RAB7A: variants seen among roughly 807,000 people sequenced by gnomAD.
RAB7A encodes the protein RAB7A, member RAS oncogene family.
RAB7A carries 2 observed loss-of-function variants against 24.5 expected under a neutral mutation model. That is an observed-to-expected ratio of 0.08 (90% CI 0.03 to 0.26). RAB7A has a LOEUF of 0.26. RAB7A is among the 10% of genes least tolerant of loss of function. The pLI, the probability that RAB7A is intolerant of heterozygous loss-of-function variation, is 1.00. For synonymous variants in RAB7A, 100 were observed against 95.9 expected, an observed-to-expected ratio of 1.04 and a Z score of -0.25; for missense variants, 118 against 255.7, an observed-to-expected ratio of 0.46 and a Z score of 3.67.
intron 1 of RAB7A, among the ~76,000 whole-genome samples, chr3:128,757,090 T>C (rs905729082): frequency 6.6e-6 from 1 of 151,996 alleles, no homozygotes; most frequent in African/African-American, 2.4e-5. Flanking sequence ...GGTGATCCAC[T>C]CACCTCCACC....
At chr3:128,727,510 A>G (rs1315541172) in intron 1 of RAB7A, among the ~76,000 whole-genome samples, 1 of 152,222 alleles carries the variant, frequency 6.6e-6, no homozygotes, top group Non-Finnish European at 1.5e-5. Flanking sequence ...CCTTAAAGCC[A>G]TAAGAAATGC....
At chr3:128,735,926 AAAGCT>A (rs2070486352) in intron 1 of RAB7A, among the ~76,000 whole-genome samples, 1 of 152,198 alleles carries the variant, frequency 6.6e-6, no homozygotes, top group Non-Finnish European at 1.5e-5. Flanking sequence ...CTGGGTTCAG[AAAGCT>A]TGATGACAGT....
At chr3:128,795,738 C>T (rs1432028117) in intron 2 of RAB7A, among the ~76,000 whole-genome samples, 17 of 60,350 alleles carry the variant, frequency 2.8e-4, no homozygotes, top group African/African-American at 6.1e-4. Flanking sequence ...TGGCATCTGG[C>T]GTAGCAGATG....
At chr3:128,763,654 T>C (rs1316900437) in intron 1 of RAB7A, among the ~76,000 whole-genome samples, 1 of 152,180 alleles carries the variant, frequency 6.6e-6, no homozygotes, top group Non-Finnish European at 1.5e-5. Context: ...ATACTTTTCC[T>C]TCCCCTACCC....
intron 1 of RAB7A, among the ~76,000 whole-genome samples, chr3:128,734,454 CAA>C (rs10524458): frequency 2.4e-4 from 21 of 86,884 alleles, no homozygotes; most frequent in Admixed American, 4.7e-4. Flanking sequence ...GACCCTACCT[CAA>C]AAAAAAAAAA....
Position 128,798,074 on chromosome 3 carries a change from G to A in RAB7A, c.180+5G>A. Reference sequence around the variant, plus strand: ...GACAGGCTAGTCACAATGCAGGTAAGCACATGTCTTGGCTGTGCTGACCAG... The same window carrying A: ...GACAGGCTAGTCACAATGCAGGTAAACACATGTCTTGGCTGTGCTGACCAG... On this transcript the variant is annotated splice_donor_5th_base_variant and intron_variant, in intron 3 of 5. Transcript: ENST00000265062. 6.2e-7 allele frequency: 1 copy of A among 1,613,948 alleles called. No individual in the cohort carries two copies. Among genetic ancestry groups the A allele is most frequent in the Non-Finnish European group, 8.5e-7 (1 of 1,179,874 alleles).
intron 1 of RAB7A, among the ~76,000 whole-genome samples, chr3:128,767,820 C>T (rs750359077): frequency 3.3e-5 from 5 of 152,172 alleles, no homozygotes; most frequent in Non-Finnish European, 5.9e-5. Context: ...CCATGTCATC[C>T]CCTCAGATAG....
intron 1 of RAB7A, among the ~76,000 whole-genome samples, chr3:128,775,453 C>T (rs947263523): frequency 1.3e-5 from 2 of 152,200 alleles, no homozygotes; most frequent in Admixed American, 1.3e-4. Context: ...GTAGCAGTGC[C>T]GTACCACATT....
intron 1 of RAB7A, among the ~76,000 whole-genome samples, chr3:128,731,287 T>C (rs1171335447): frequency 2.0e-5 from 3 of 152,190 alleles, no homozygotes; most frequent in East Asian, 1.9e-4. Flanking sequence ...GCATAGACTT[T>C]ATGAAAAATA....
intron 1 of RAB7A, among the ~76,000 whole-genome samples, chr3:128,737,435 C>A (rs533430869): frequency 6.6e-6 from 1 of 151,090 alleles, no homozygotes; most frequent in African/African-American, 2.4e-5. Context: ...CCTCTGCCTC[C>A]CAGGCTCAAG....
At chr3:128,753,776 C>T (rs999431211) in intron 1 of RAB7A, among the ~76,000 whole-genome samples, 1 of 152,062 alleles carries the variant, frequency 6.6e-6, no homozygotes, top group African/African-American at 2.4e-5. Context: ...CTAGTATGGC[C>T]TAATCATCTC....
At chr3:128,755,397 T>G (rs1317128073) in intron 1 of RAB7A, among the ~76,000 whole-genome samples, 1 of 151,966 alleles carries the variant, frequency 6.6e-6, no homozygotes, top group Non-Finnish European at 1.5e-5. Context: ...ATGCCTTCAT[T>G]AAAAAAAGGA....
intron 3 of RAB7A, 146 bp from the exon 4 acceptor site, chr3:128,806,226 C>A: frequency 1.6e-6 from 1 of 643,718 alleles, no homozygotes; most frequent in Non-Finnish European, 2.7e-6. Flanking sequence ...TACTCTGGTG[C>A]TGAAATTTGC....
intron 1 of RAB7A, among the ~76,000 whole-genome samples, chr3:128,735,527 A>G (rs1250466143): frequency 1.3e-5 from 2 of 152,228 alleles, no homozygotes; most frequent in Non-Finnish European, 2.9e-5. Flanking sequence ...TAATTTGTCT[A>G]AAGAAACCAT....
chr3:128,737,330 C>T (rs1397368732), intron 1 of RAB7A, among the ~76,000 whole-genome samples: 1 of 141,522 alleles, frequency 7.1e-6, no homozygotes, highest in Admixed American at 7.3e-5. Flanking sequence ...TGAGCCACCG[C>T]TCCCGGCCTT....
intron 1 of RAB7A, among the ~76,000 whole-genome samples, chr3:128,755,062 T>C (rs917645159): frequency 6.6e-6 from 1 of 152,190 alleles, no homozygotes; most frequent in Non-Finnish European, 1.5e-5. Context: ...AGAATGCATC[T>C]TCTTCTTAAG....
intron 2 of RAB7A, 124 bp downstream of exon 2, chr3:128,795,544 C>T (rs1933547456): frequency 1.2e-6 from 1 of 859,236 alleles, no homozygotes; most frequent in African/African-American, 1.7e-5. Context: ...TTACATGTTT[C>T]CCTCCACGGC....
At chr3:128,733,227 G>T (rs1012280722) in intron 1 of RAB7A, among the ~76,000 whole-genome samples, 2 of 152,120 alleles carry the variant, frequency 1.3e-5, no homozygotes, top group Admixed American at 6.5e-5. Flanking sequence ...TGATGCTTGC[G>T]TAGTGAGTCT....
Position 128,742,625 on chromosome 3 carries a change from A to G in RAB7A, c.-9+16266A>G, listed in dbSNP as rs149692892. Among the ~76,000 whole-genome samples the G allele has an allele frequency of 2.6e-3, 400 of 152,180 alleles. 3 individuals are homozygous for G. The highest frequency in any genetic ancestry group is 9.3e-3 in the African/African-American group (386 of 41,526). On this transcript the variant is annotated intron_variant, in intron 1 of 5. Coordinates refer to ENST00000265062, the MANE Select transcript of RAB7A (RefSeq NM_004637.6). ...TAGATTAGCTAGACACAGAGCACTG[A>G]TTGGTGCATTTAGAAACCTTGAGCT...
Sources: gnomAD v4.1 joint callset for allele counts (sites outside exome capture counted in the v4.1 genomes callset) on GRCh38, gnomAD v4.1.1 for gene constraint, MANE v1.5 for transcripts, NCBI Gene and HGNC (gene_info 2026-07-23, HGNC 2026-07-21) for gene names.